The following BMPR1B variants were observed in gnomAD, a reference collection of about 807,000 sequenced individuals.
The protein encoded by BMPR1B is bone morphogenetic protein receptor type-1B.
In BMPR1B, 12 loss-of-function variants were observed where a neutral mutation model predicts 59.1. That is an observed-to-expected ratio of 0.20 (90% CI 0.13 to 0.33). The LOEUF (loss-of-function observed/expected upper bound fraction) is 0.33, where lower values mean the gene tolerates loss of function less well. BMPR1B is among the 10% of genes least tolerant of loss of function. BMPR1B has a pLI of 1.00. For missense variants in BMPR1B, 550 were observed against 610.9 expected (o/e 0.90, Z 1.05); for synonymous variants, 237 against 207.3 (o/e 1.14, Z -1.23).
At chr4:94,946,703 C>T (rs1210875625) in intron 2 of BMPR1B, among the ~76,000 whole-genome samples, 1 of 152,128 alleles carries the variant, frequency 6.6e-6, no homozygotes. Flanking sequence ...ATTCTATTCC[C>T]TTTCAGTTGC....
At chr4:95,041,611 C>CTT (rs71583682) in intron 3 of BMPR1B, among the ~76,000 whole-genome samples, 134 of 145,480 alleles carry the variant, frequency 9.2e-4, no homozygotes, top group African/African-American at 1.1e-3. Context: ...ACTGAATGGA[C>CTT]TTTTTTTTTT....
chr4:95,034,669 T>G (rs978987063), intron 3 of BMPR1B, among the ~76,000 whole-genome samples: 1 of 151,998 alleles, frequency 6.6e-6, no homozygotes, highest in South Asian at 2.1e-4. Flanking sequence ...GCTCCATGTT[T>G]TCTTTGGTTG....
At chr4:95,033,415 A>G (rs1039151035) in intron 3 of BMPR1B, among the ~76,000 whole-genome samples, 5 of 151,748 alleles carry the variant, frequency 3.3e-5, no homozygotes, top group African/African-American at 1.2e-4. Context: ...AGAGTTTTAT[A>G]GTTTTAGCTC....
chr4:95,124,029 T>C (rs1732727217), intron 7 of BMPR1B, 123 bp downstream of exon 7: 1 of 691,322 alleles, frequency 1.4e-6, no homozygotes, highest in East Asian at 2.7e-5. Context: ...GATCTTATAG[T>C]TAACTGAAAA....
chr4:94,959,666 G>A (rs544094858), intron 2 of BMPR1B, among the ~76,000 whole-genome samples: 1 of 152,000 alleles, frequency 6.6e-6, no homozygotes, highest in Non-Finnish European at 1.5e-5. Flanking sequence ...ATGTAGTTGG[G>A]TTCCATTTCA....
chr4:94,783,459 T>C (rs954922758), intron 1 of BMPR1B, among the ~76,000 whole-genome samples: 1 of 152,242 alleles, frequency 6.6e-6, no homozygotes, highest in Non-Finnish European at 1.5e-5. Context: ...CCTTATACTC[T>C]GCTGTTTCAG....
intron 2 of BMPR1B, among the ~76,000 whole-genome samples, chr4:94,931,071 T>C (rs937177533): frequency 6.6e-6 from 1 of 152,136 alleles, no homozygotes; most frequent in African/African-American, 2.4e-5. Flanking sequence ...CTATAACAGT[T>C]TCTACTATTG....
intron 10 of BMPR1B, among the ~76,000 whole-genome samples, chr4:95,147,900 A>G (rs1007303461): frequency 1.3e-5 from 2 of 152,194 alleles, no homozygotes; most frequent in Non-Finnish European, 2.9e-5. Flanking sequence ...CACTGAAGCA[A>G]TGGTTCCCAA....
intron 11 of BMPR1B, 30 bp from the exon 12 acceptor site, chr4:95,152,613 A>T (rs1735125954): frequency 2.0e-6 from 3 of 1,473,730 alleles, no homozygotes; most frequent in Non-Finnish European, 2.7e-6. Flanking sequence ...AATAATAATA[A>T]TAATAATAAT....
intron 1 of BMPR1B, among the ~76,000 whole-genome samples, chr4:94,848,401 C>T (rs981044267): frequency 3.9e-5 from 6 of 152,100 alleles, no homozygotes; most frequent in African/African-American, 1.4e-4. Flanking sequence ...AGGTACAATT[C>T]GTTTTATATT....
chr4:95,113,261 G>A (rs190879420), intron 4 of BMPR1B, among the ~76,000 whole-genome samples: 7 of 152,254 alleles, frequency 4.6e-5, no homozygotes, highest in Admixed American at 4.6e-4. Context: ...CAATATTCAT[G>A]CTTTTTGACC....
intron 10 of BMPR1B, among the ~76,000 whole-genome samples, chr4:95,134,232 A>G (rs1475259570): frequency 6.6e-6 from 1 of 152,304 alleles, no homozygotes; most frequent in African/African-American, 2.4e-5. Flanking sequence ...ATAGTATTCC[A>G]TGGTGTATAT....
At chr4:95,056,019 AC>A (rs1394340802) in intron 3 of BMPR1B, among the ~76,000 whole-genome samples, 4 of 152,182 alleles carry the variant, frequency 2.6e-5, no homozygotes, top group African/African-American at 9.6e-5. Context: ...TCTTCCCCCA[AC>A]TTTTCAAATG....
At chr4:95,147,973 A>G (rs1480193750) in intron 10 of BMPR1B, among the ~76,000 whole-genome samples, 1 of 152,194 alleles carries the variant, frequency 6.6e-6, no homozygotes, top group East Asian at 1.9e-4. Flanking sequence ...GGGAAGGAAT[A>G]GTAAATGGGC....
At chr4:94,981,005 A>ACGCGCGTG (rs34635740) in intron 2 of BMPR1B, among the ~76,000 whole-genome samples, 9 of 122,710 alleles carry the variant, frequency 7.3e-5, no homozygotes, top group Admixed American at 4.5e-4. Flanking sequence ...ACACACACAC[A>ACGCGCGTG]CACACACACA....
At chr4:95,101,557 G>A (rs1730820941) in intron 3 of BMPR1B, among the ~76,000 whole-genome samples, 1 of 152,080 alleles carries the variant, frequency 6.6e-6, no homozygotes, top group African/African-American at 2.4e-5. Flanking sequence ...CCTTTTTGGT[G>A]TTAAGCAGTA....
intron 3 of BMPR1B, among the ~76,000 whole-genome samples, chr4:95,015,423 G>C (rs1226882427): frequency 1.3e-5 from 2 of 152,028 alleles, no homozygotes; most frequent in African/African-American, 4.8e-5. Flanking sequence ...TTTGATTGTT[G>C]TTGCCCCGTC....
intron 2 of BMPR1B, among the ~76,000 whole-genome samples, chr4:94,897,351 A>G (rs1384085751): frequency 6.6e-6 from 1 of 152,078 alleles, no homozygotes; most frequent in Non-Finnish European, 1.5e-5. Flanking sequence ...ATTCAAAATC[A>G]TTATAGATAA....
At chr4:94,942,031 A>G (rs1729538464) in intron 2 of BMPR1B, among the ~76,000 whole-genome samples, 2 of 152,356 alleles carry the variant, frequency 1.3e-5, no homozygotes, top group South Asian at 4.1e-4. Flanking sequence ...AGACCAGAAG[A>G]CAGAAGAGTC....
Sources: allele counts gnomAD v4.1 joint callset (sites outside exome capture counted in the v4.1 genomes callset), GRCh38; gene constraint gnomAD v4.1.1; transcripts MANE v1.5; gene names NCBI Gene and HGNC (gene_info 2026-07-23, HGNC 2026-07-21).